Variants in COL14A1 observed in about 807,000 individuals in gnomAD.
COL14A1 encodes collagen alpha-1(XIV) chain.
Under a neutral mutation model 230.3 loss-of-function variants are expected in COL14A1, and 136 were observed. The ratio of observed to expected loss-of-function variants is 0.59; its 90% confidence interval spans 0.51 to 0.68. COL14A1 has a LOEUF of 0.68. COL14A1 is among the 30% of genes least tolerant of loss of function. The pLI is 0.00. For synonymous variants in COL14A1, 792 were observed against 784.1 expected, an observed-to-expected ratio of 1.01 and a Z score of -0.17; for missense variants, 1,976 against 2,215.8, an observed-to-expected ratio of 0.89 and a Z score of 2.17.
At chr8:120,137,515 T>A (rs1314845362) in intron 1 of COL14A1, among the ~76,000 whole-genome samples, 1 of 152,150 alleles carries the variant, frequency 6.6e-6, no homozygotes, top group Non-Finnish European at 1.5e-5. Context: ...AGTTTGCTCT[T>A]CTTTTTCTAG....
chr8:120,218,233 T>A (rs1817824507), intron 14 of COL14A1, among the ~76,000 whole-genome samples: 2 of 135,708 alleles, frequency 1.5e-5, no homozygotes, highest in South Asian at 2.2e-4. Flanking sequence ...TAAATAAATA[T>A]ATAAATATAA....
chr8:120,268,973 G>A (rs896837882), intron 25 of COL14A1, among the ~76,000 whole-genome samples: 14 of 151,578 alleles, frequency 9.2e-5, no homozygotes, highest in Middle Eastern at 3.2e-3. Context: ...TTTATAAATC[G>A]CAGAACTCAA....
intron 4 of COL14A1, among the ~76,000 whole-genome samples, chr8:120,167,699 G>A (rs1033389608): frequency 3.3e-5 from 5 of 152,280 alleles, no homozygotes; most frequent in Admixed American, 3.3e-4. Flanking sequence ...TGCTGTTGGA[G>A]CAATTCCAAA....
chr8:120,124,457 A>AGATTC (rs1563622655), upstream of COL14A1, among the ~76,000 whole-genome samples: 2 of 152,116 alleles, frequency 1.3e-5, no homozygotes, highest in African/African-American at 4.8e-5. Flanking sequence ...TTAAACCAGA[A>AGATTC]TCTCTGCGGG....
chr8:120,268,343 AT>A (rs1209388482), intron 25 of COL14A1, among the ~76,000 whole-genome samples: 1 of 151,684 alleles, frequency 6.6e-6, no homozygotes, highest in African/African-American at 2.4e-5. Context: ...CAGAATCCTA[AT>A]TGATAAATTT....
rs1586905041 is a variant in COL14A1 at position 120,369,245 on chromosome 8, A to G, written c.5156-85A>G. 4 of 1,386,072 alleles carry G rather than the reference A, an allele frequency of 2.9e-6. No individual in the cohort carries two copies. In the Admixed American group the frequency reaches 8.0e-5, roughly 28 times the overall value. The allele number at this position is 1,386,072 out of a possible 1,614,324, so 85.9% of individuals were successfully genotyped here. A position where few individuals can be genotyped will look rare whatever the true frequency, so the allele number is the denominator to read the frequency against. On this transcript the variant is annotated intron_variant, in intron 46 of 47. Transcript: ENST00000297848. The stretch of plus-strand genomic sequence containing the variant: ...AATTGTCCTAAAAGTTGCTTCTTCT[A>G]AGAGTTAGTTTACTTCTTGGTTGTC...
intron 19 of COL14A1, among the ~76,000 whole-genome samples, chr8:120,239,639 A>G (rs1385270720): frequency 6.6e-6 from 1 of 152,184 alleles, no homozygotes; most frequent in Non-Finnish European, 1.5e-5. Flanking sequence ...CTCAGACCAT[A>G]CACTTCAAAT....
chr8:120,279,707 T>G (rs1819978779), intron 28 of COL14A1, among the ~76,000 whole-genome samples: 1 of 152,178 alleles, frequency 6.6e-6, no homozygotes, highest in Non-Finnish European at 1.5e-5. Flanking sequence ...GGCCTTGGTC[T>G]TCTTGGGTTT....
intron 11 of COL14A1, among the ~76,000 whole-genome samples, chr8:120,209,540 A>G (rs1817556151): frequency 6.6e-6 from 1 of 152,134 alleles, no homozygotes; most frequent in African/African-American, 2.4e-5. Context: ...TTAGAAGAGT[A>G]GGGCAGGGTC....
chr8:120,218,063 A>G (rs1362883597), intron 14 of COL14A1, among the ~76,000 whole-genome samples: 1 of 141,476 alleles, frequency 7.1e-6, no homozygotes, highest in African/African-American at 2.6e-5. Context: ...ATTTTTATGT[A>G]TCTATATATA....
At chr8:120,316,176 A>G (rs1821223621) in intron 40 of COL14A1, among the ~76,000 whole-genome samples, 179 bp downstream of exon 40, 1 of 152,164 alleles carries the variant, frequency 6.6e-6, no homozygotes, top group African/African-American at 2.4e-5. Flanking sequence ...TTCTATGTTC[A>G]TTACTTCGTC....
At chr8:120,216,601 AT>A in intron 14 of COL14A1, 111 bp downstream of exon 14, 1 of 1,091,172 alleles carries the variant, frequency 9.2e-7, no homozygotes, top group East Asian at 2.6e-5. Flanking sequence ...GTAATTATTT[AT>A]TGTCTCGCAT....
chr8:120,211,016 A>T (rs1236495502), intron 12 of COL14A1, among the ~76,000 whole-genome samples: 1 of 152,228 alleles, frequency 6.6e-6, no homozygotes, highest in Non-Finnish European at 1.5e-5. Context: ...TAGCAAAAAA[A>T]TTTTAAAGTC....
intron 5 of COL14A1, among the ~76,000 whole-genome samples, chr8:120,193,646 C>T (rs111732664): frequency 0.33 from 49,693 of 152,034 alleles, 8,820 homozygotes; most frequent in East Asian, 0.46. Context: ...TGCCCTGCCC[C>T]CAGAGGTGGA....
chr8:120,195,072 G>A (rs1427743857), intron 5 of COL14A1, among the ~76,000 whole-genome samples: 5 of 152,134 alleles, frequency 3.3e-5, no homozygotes, highest in African/African-American at 1.2e-4. Context: ...CTTCCATAAT[G>A]AATATTGGAG....
At chr8:120,283,466 A>G (rs571442651) in intron 31 of COL14A1, among the ~76,000 whole-genome samples, 170 bp from the exon 32 acceptor site, 18 of 152,362 alleles carry the variant, frequency 1.2e-4, no homozygotes, top group Admixed American at 2.6e-4. Flanking sequence ...AAATTGGACA[A>G]ATGCACACAT....
At chr8:120,301,908 G>A (rs1426692835) in intron 36 of COL14A1, among the ~76,000 whole-genome samples, 1 of 152,146 alleles carries the variant, frequency 6.6e-6, no homozygotes, top group Non-Finnish European at 1.5e-5. Flanking sequence ...TGACTGCTGT[G>A]AGATGGTATT....
intron 23 of COL14A1, among the ~76,000 whole-genome samples, chr8:120,256,967 T>C (rs1819173286): frequency 6.6e-6 from 1 of 152,250 alleles, no homozygotes; most frequent in South Asian, 2.1e-4. Context: ...CAACGATGTA[T>C]AAAAACTGGC....
chr8:120,161,822 G>A (rs932667394), intron 3 of COL14A1, among the ~76,000 whole-genome samples: 1 of 151,972 alleles, frequency 6.6e-6, no homozygotes, highest in African/African-American at 2.4e-5. Context: ...CACCACCACG[G>A]CTGGTTAATT....
Sources: allele counts gnomAD v4.1 joint callset (sites outside exome capture counted in the v4.1 genomes callset), GRCh38; gene constraint gnomAD v4.1.1; transcripts MANE v1.5; gene names NCBI Gene and HGNC (gene_info 2026-07-23, HGNC 2026-07-21).